The following SPOPL variants were observed in gnomAD, a reference collection of about 807,000 sequenced individuals.
The protein encoded by SPOPL is speckle-type POZ protein-like.
A neutral mutation model predicts 53.8 loss-of-function variants in SPOPL; 23 were observed. That is an observed-to-expected ratio of 0.43 (90% CI 0.31 to 0.61). The LOEUF is 0.61. Ranked by LOEUF, SPOPL falls within the 20% of genes least tolerant of loss-of-function variation. The probability of loss-of-function intolerance (pLI) is 0.12; values close to 1 mark genes in which losing one functional copy is unlikely to be tolerated. For missense variants in SPOPL, 442 were observed against 466.9 expected, an observed-to-expected ratio of 0.95 and a Z score of 0.49; for synonymous variants, 164 against 149.7, an observed-to-expected ratio of 1.10 and a Z score of -0.70.
intron 1 of SPOPL, among the ~76,000 whole-genome samples, chr2:138,517,833 G>A (rs1684474874): frequency 6.6e-6 from 1 of 151,862 alleles, no homozygotes; most frequent in Admixed American, 6.6e-5. Context: ...GATCACCTGA[G>A]GTCAGGAATT....
chr2:138,530,378 A>G (rs1312895264), intron 1 of SPOPL, among the ~76,000 whole-genome samples: 1 of 152,112 alleles, frequency 6.6e-6, no homozygotes, highest in Non-Finnish European at 1.5e-5. Flanking sequence ...AATGGTAGTT[A>G]TGTTTTTAGG....
chr2:138,520,730 A>T (rs1461827441), intron 1 of SPOPL, among the ~76,000 whole-genome samples: 2 of 152,222 alleles, frequency 1.3e-5, no homozygotes, highest in Admixed American at 1.3e-4. Flanking sequence ...TAAAAAAAGA[A>T]GAGGCTGTGC....
At chr2:138,550,827 T>TTCTCTTTCTC in intron 3 of SPOPL, 76 bp from the exon 4 acceptor site, 1 of 1,367,406 alleles carries the variant, frequency 7.3e-7, no homozygotes, top group Non-Finnish European at 9.9e-7. Flanking sequence ...CTCTCTCTCT[T>TTCTCTTTCTC]TCTCTCTCTC....
intron 1 of SPOPL, among the ~76,000 whole-genome samples, chr2:138,518,065 A>AT (rs1491398500): frequency 6.7e-6 from 1 of 149,912 alleles, no homozygotes; most frequent in Non-Finnish European, 1.5e-5. Flanking sequence ...AAAAAAAAAA[A>AT]GAAAAGGAAA....
At chr2:138,520,920 GTACAC>G (rs1553468283) in intron 1 of SPOPL, among the ~76,000 whole-genome samples, 7 of 152,140 alleles carry the variant, frequency 4.6e-5, no homozygotes, top group Non-Finnish European at 5.9e-5. Context: ...ATTAACATAG[GTACAC>G]TGGGCTTCGT....
intron 7 of SPOPL, 132 bp downstream of exon 7, chr2:138,559,469 A>G (rs1685499420): frequency 2.3e-6 from 2 of 857,554 alleles, no homozygotes; most frequent in South Asian, 3.7e-5. Flanking sequence ...CAAACAGGAA[A>G]AAAATGTGTT....
At position 138,566,370 on chromosome 2, in the gene SPOPL, C is replaced by A. The variant is rs368302620; in HGVS notation, c.1034+1377C>A. ...CTAGTTTTACTCTAAGGAAATACTT[C>A]ACATTTTATAACTTTTTCAGTGTCA... On this transcript the variant is annotated intron_variant, in intron 10 of 10. Coordinates refer to ENST00000280098, the MANE Select transcript of SPOPL (RefSeq NM_001001664.3). Among the ~76,000 whole-genome samples the A allele has an allele frequency of 9.2e-5, 14 of 152,230 alleles. No homozygotes were observed. The East Asian group carries it at 1.7e-3, about 19-fold the overall frequency.
At position 138,511,595 on chromosome 2, in the gene SPOPL, CA is replaced by C. The variant is rs201311795; in HGVS notation, c.-61+9477del. 2.8e-3 allele frequency among the ~76,000 whole-genome samples: 419 copies of C among 152,190 alleles called. 2 individuals are homozygous for C. Among genetic ancestry groups the C allele is most frequent in the African/African-American group, 9.5e-3 (396 of 41,524 alleles). ...TTGAATCACAGTTGCTGTCAATTAC[CA>C]GATGGATTATTATTTTATGTACCGC... On this transcript the variant is annotated intron_variant, in intron 1 of 10. Coordinates refer to ENST00000280098, the MANE Select transcript of SPOPL (RefSeq NM_001001664.3).
intron 1 of SPOPL, among the ~76,000 whole-genome samples, chr2:138,510,657 C>T (rs985799773): frequency 2.0e-5 from 3 of 151,976 alleles, no homozygotes; most frequent in African/African-American, 7.3e-5. Context: ...TTTATAATAC[C>T]CCTCTTTATT....
intron 1 of SPOPL, among the ~76,000 whole-genome samples, chr2:138,508,457 G>A (rs1684260898): frequency 6.6e-6 from 1 of 152,030 alleles, no homozygotes; most frequent in African/African-American, 2.4e-5. Context: ...TCAGCCTCCT[G>A]AGTAGCTGGG....
intron 10 of SPOPL, among the ~76,000 whole-genome samples, chr2:138,567,125 G>A (rs1002497610): frequency 1.3e-5 from 2 of 152,092 alleles, no homozygotes; most frequent in Admixed American, 6.5e-5. Flanking sequence ...CTGCCTTCAC[G>A]GAGTTTATGG....
chr2:138,545,257 A>G (rs74861877), intron 1 of SPOPL, among the ~76,000 whole-genome samples: 1,645 of 152,162 alleles, frequency 0.011, 32 homozygotes, highest in African/African-American at 0.037. Context: ...CCAGGAATGA[A>G]GGCAAGTGAC....
intron 5 of SPOPL, among the ~76,000 whole-genome samples, chr2:138,557,320 T>C (rs1178829050): frequency 6.6e-6 from 1 of 152,190 alleles, no homozygotes; most frequent in African/African-American, 2.4e-5. Flanking sequence ...CACATATGAT[T>C]TCAAAAGGTT....
chr2:138,539,886 T>C (rs150059547), intron 1 of SPOPL, among the ~76,000 whole-genome samples: 1 of 151,750 alleles, frequency 6.6e-6, no homozygotes, highest in Non-Finnish European at 1.5e-5. Context: ...GTTTTAGGTC[T>C]AATAAGTCTT....
At position 138,569,975 on chromosome 2, in the gene SPOPL, G is replaced by C. The variant is rs1444936489; in HGVS notation, c.*895G>C. The C allele has an allele frequency of 1.3e-5, 2 of 152,418 alleles. No homozygotes were observed. Among genetic ancestry groups the C allele is most frequent in the Non-Finnish European group, 2.9e-5 (2 of 67,978 alleles). 9.4% of individuals were successfully genotyped at this position (152,418 alleles called of 1,614,324 possible). A position where few individuals can be genotyped will look rare whatever the true frequency, so the allele number is the denominator to read the frequency against. On this transcript the variant is annotated 3_prime_UTR_variant, in exon 11 of 11. Transcript: ENST00000280098. ...ATGGTACATATATTTTTTTGCTTTT[G>C]AGGGAATTAATAAGGTATAATTAAT...
In SPOPL at chr2:138,569,197, A is replaced by T; in HGVS notation, c.*117A>T. On this transcript the variant is annotated 3_prime_UTR_variant, in exon 11 of 11. Coordinates refer to ENST00000280098, the MANE Select transcript of SPOPL (RefSeq NM_001001664.3). ...TCTGTTATTTTGTCCACAGAACAGA[A>T]GCTGAAAAAGCATATTGCTTGCATT... 1 of 1,161,560 alleles carries T rather than the reference A, an allele frequency of 8.6e-7. No homozygotes were observed. 72.0% of individuals were successfully genotyped at this position (1,161,560 alleles called of 1,614,324 possible).
rs80058430 is a variant in SPOPL at position 138,503,042 on chromosome 2, C to G, written c.-61+923C>G. 8.7e-3 allele frequency among the ~76,000 whole-genome samples: 1,320 copies of G among 152,256 alleles called. 16 individuals carry two copies. The highest frequency in any genetic ancestry group is 0.03 in the African/African-American group (1,252 of 41,538). On this transcript the variant is annotated intron_variant, in intron 1 of 10. Coordinates refer to ENST00000280098, the MANE Select transcript of SPOPL (RefSeq NM_001001664.3). Reference sequence around the variant, plus strand: ...ATTGTGGTACTCACTTTCCCACTTGCAATTGAATCCACTGTTTCTTGGACT... The same window carrying G: ...ATTGTGGTACTCACTTTCCCACTTGGAATTGAATCCACTGTTTCTTGGACT...
At chr2:138,561,936 A>G (rs944347980) in intron 8 of SPOPL, among the ~76,000 whole-genome samples, 10 of 151,868 alleles carry the variant, frequency 6.6e-5, no homozygotes, top group African/African-American at 2.4e-4. Context: ...GTGGCATTAC[A>G]CAGGATACCT....
chr2:138,560,973 A>G, intron 8 of SPOPL, 46 bp downstream of exon 8: 1 of 1,575,438 alleles, frequency 6.3e-7, no homozygotes, highest in Non-Finnish European at 8.6e-7. Context: ...CTCAAGCTTG[A>G]TTTATATAGA....
Sources: allele counts gnomAD v4.1 joint callset (sites outside exome capture counted in the v4.1 genomes callset), GRCh38; gene constraint gnomAD v4.1.1; transcripts MANE v1.5; gene names NCBI Gene and HGNC (gene_info 2026-07-23, HGNC 2026-07-21).